TOX2: variants seen among roughly 807,000 people sequenced by gnomAD.
TOX2 encodes TOX high mobility group box family member 2.
TOX2 carries 15 observed loss-of-function variants against 47.4 expected under a neutral mutation model. The ratio of observed to expected loss-of-function variants is 0.32; its 90% CI spans 0.21 to 0.49. The LOEUF is 0.49. Among genes scored for constraint, TOX2 ranks in the 20% least tolerant of loss-of-function variants. TOX2 has a pLI of 0.99. For missense variants in TOX2, 622 were observed against 673.1 expected (o/e 0.92, Z 0.84); for synonymous variants, 290 against 296.6 (o/e 0.98, Z 0.23).
intron 3 of TOX2, among the ~76,000 whole-genome samples, chr20:44,008,956 C>T (rs2070735052): frequency 6.6e-6 from 1 of 152,234 alleles, no homozygotes; most frequent in African/African-American, 2.4e-5. Context: ...AGGATGATGA[C>T]AGCATCGCTG....
intron 3 of TOX2, among the ~76,000 whole-genome samples, chr20:44,025,697 C>CT (rs2145667747): frequency 6.6e-6 from 1 of 151,424 alleles, no homozygotes; most frequent in South Asian, 2.1e-4. Context: ...TGAGTTACAG[C>CT]TTCCCCCACT....
chr20:44,042,654 C>G (rs2071350634), intron 3 of TOX2, among the ~76,000 whole-genome samples: 2 of 152,142 alleles, frequency 1.3e-5, no homozygotes, highest in Non-Finnish European at 1.5e-5. Context: ...ATCTGTTACC[C>G]ACATTAAAAA....
intron 1 of TOX2, among the ~76,000 whole-genome samples, chr20:43,918,058 C>T (rs184378161): frequency 3.6e-4 from 55 of 152,180 alleles, no homozygotes; most frequent in African/African-American, 1.2e-3. Context: ...TGACTCCCAG[C>T]AGGACACTTG....
At chr20:44,015,899 T>G (rs2070870274) in intron 3 of TOX2, among the ~76,000 whole-genome samples, 1 of 152,134 alleles carries the variant, frequency 6.6e-6, no homozygotes, top group Admixed American at 6.5e-5. Context: ...AACTCGGTCA[T>G]AAAAATTCAC....
intron 3 of TOX2, among the ~76,000 whole-genome samples, chr20:44,013,130 G>A (rs1569095281): frequency 6.6e-6 from 1 of 152,230 alleles, no homozygotes; most frequent in East Asian, 1.9e-4. Context: ...GCAGGGCCTT[G>A]GACTTAGGGA....
At chr20:44,053,632 A>G (rs960880985) in intron 4 of TOX2, among the ~76,000 whole-genome samples, 6 of 139,442 alleles carry the variant, frequency 4.3e-5, no homozygotes, top group Non-Finnish European at 6.2e-5. Flanking sequence ...ACACACACGT[A>G]TATACACATA....
intron 2 of TOX2, among the ~76,000 whole-genome samples, chr20:43,976,779 C>T (rs542438234): frequency 6.6e-5 from 9 of 135,544 alleles, no homozygotes; most frequent in Non-Finnish European, 9.2e-5. Context: ...CGCGAGCGCG[C>T]GCGCACACAC....
At chr20:43,997,023 C>G (rs567029527) in intron 2 of TOX2, among the ~76,000 whole-genome samples, 2 of 152,294 alleles carry the variant, frequency 1.3e-5, no homozygotes, top group Non-Finnish European at 2.9e-5. Flanking sequence ...CCATGCATCA[C>G]CAGGGAGTGA....
intron 1 of TOX2, among the ~76,000 whole-genome samples, chr20:43,964,166 C>T (rs549098073): frequency 5.3e-5 from 8 of 151,720 alleles, no homozygotes; most frequent in Non-Finnish European, 7.4e-5. Context: ...CAGACCAGGG[C>T]CTGTGTTTGT....
chr20:43,949,760 G>A (rs561064715), intron 1 of TOX2, among the ~76,000 whole-genome samples: 14 of 152,244 alleles, frequency 9.2e-5, no homozygotes, highest in South Asian at 2.1e-4. Context: ...CCGTCTAGCC[G>A]CAACTATCAG....
At chr20:43,966,781 T>C (rs55704292) in intron 1 of TOX2, among the ~76,000 whole-genome samples, 1,980 of 149,104 alleles carry the variant, frequency 0.013, 44 homozygotes, top group African/African-American at 0.046. Flanking sequence ...GTGGGGGCAC[T>C]GGAGGCTCCC....
chr20:44,016,955 A>G (rs929257426), intron 3 of TOX2, among the ~76,000 whole-genome samples: 1 of 152,370 alleles, frequency 6.6e-6, no homozygotes, highest in East Asian at 1.9e-4. Context: ...GATGAACAAC[A>G]TATCAGAAAT....
intron 3 of TOX2, among the ~76,000 whole-genome samples, chr20:44,048,585 T>A (rs1346487144): frequency 6.6e-6 from 1 of 151,414 alleles, no homozygotes; most frequent in East Asian, 1.9e-4. Context: ...TTCCAGGGCA[T>A]AAGGGAAGAG....
chr20:43,953,053 C>T (rs777464349), intron 1 of TOX2, among the ~76,000 whole-genome samples: 29 of 151,650 alleles, frequency 1.9e-4, no homozygotes, highest in Admixed American at 1.1e-3. Flanking sequence ...ACTGGGGTGA[C>T]GGCTATGAAG....
At chr20:43,954,855 C>T (rs886974975) in intron 1 of TOX2, among the ~76,000 whole-genome samples, 4 of 152,200 alleles carry the variant, frequency 2.6e-5, no homozygotes, top group Non-Finnish European at 4.4e-5. Flanking sequence ...AGCTATGAGA[C>T]CTTGCACAAT....
chr20:43,991,501 C>T (rs928424830), intron 2 of TOX2, among the ~76,000 whole-genome samples: 1 of 152,146 alleles, frequency 6.6e-6, no homozygotes, highest in Non-Finnish European at 1.5e-5. Context: ...TCCTTTTATT[C>T]AGTAAATGTT....
In TOX2 at chr20:44,069,255, T is replaced by C. The variant is rs1017765543; in HGVS notation, c.*569T>C. 4 of 238,054 alleles carry C rather than the reference T, an allele frequency of 1.7e-5. No individual in the cohort carries two copies. The highest frequency in any genetic ancestry group is 6.8e-5 in the African/African-American group (3 of 44,092). The allele number at this position is 238,054 out of a possible 1,614,324, so 14.7% of individuals were successfully genotyped here. A position where few individuals can be genotyped will look rare whatever the true frequency, so the allele number is the denominator to read the frequency against. On this transcript the variant is annotated 3_prime_UTR_variant, in exon 9 of 9. Coordinates refer to ENST00000341197, the MANE Select transcript of TOX2 (RefSeq NM_001098797.2). ...TTCCTTTAAGGTAAAAAGCATTTTATATGATCCTTAGCACATTTTTAAGTT... is the reference window on the plus strand; with the variant it reads ...TTCCTTTAAGGTAAAAAGCATTTTACATGATCCTTAGCACATTTTTAAGTT...
chr20:44,029,372 C>T (rs1018734084), intron 3 of TOX2, among the ~76,000 whole-genome samples: 5 of 152,192 alleles, frequency 3.3e-5, no homozygotes, highest in Non-Finnish European at 5.9e-5. Context: ...CCAGCCCAGC[C>T]TGCACCATGC....
intron 1 of TOX2, among the ~76,000 whole-genome samples, chr20:43,945,271 G>A (rs1415296680): frequency 6.6e-6 from 1 of 152,144 alleles, no homozygotes; most frequent in African/African-American, 2.4e-5. Flanking sequence ...CATATACACC[G>A]TTATTGTTTT....
Sources: allele counts gnomAD v4.1 joint callset (sites outside exome capture counted in the v4.1 genomes callset), GRCh38; gene constraint gnomAD v4.1.1; transcripts MANE v1.5; gene names NCBI Gene and HGNC (gene_info 2026-07-23, HGNC 2026-07-21).